The following CREBBP variants were observed in gnomAD, a reference collection of about 807,000 sequenced individuals.
The protein encoded by CREBBP is CREB-binding protein.
CREBBP carries 19 observed loss-of-function variants against 265.0 expected under a neutral mutation model. The observed-to-expected ratio is 0.07, with a 90% CI of 0.05 to 0.11. CREBBP has a LOEUF of 0.11. CREBBP is among the 10% of genes least tolerant of loss of function. The pLI, the probability that CREBBP is intolerant of heterozygous loss-of-function variation, is 1.00. For missense variants in CREBBP, 2,525 were observed against 3,219.0 expected (o/e 0.78, Z 5.22); for synonymous variants, 1,457 against 1,223.7 (o/e 1.19, Z -3.98).
chr16:3,817,692 T>C (rs542261529), intron 2 of CREBBP, among the ~76,000 whole-genome samples: 2 of 152,328 alleles, frequency 1.3e-5, no homozygotes, highest in East Asian at 1.9e-4. Context: ...AACAGGTTTC[T>C]ACAATAGTAG....
At position 3,880,599 on chromosome 16, in the gene CREBBP, G is replaced by T. The variant is rs1235254855; in HGVS notation, c.-683C>A. 2.7e-5 allele frequency: 4 copies of T among 147,204 alleles called. No homozygotes were observed. The highest frequency in any genetic ancestry group is 2.0e-4 in the South Asian group (1 of 5,008). The allele number at this position is 147,204 out of a possible 1,614,324, so 9.1% of individuals were successfully genotyped here. On this transcript the variant is annotated 5_prime_UTR_variant, in exon 1 of 31. Transcript: ENST00000262367. Reference sequence around the variant, plus strand: ...GAGGGCCGGGCGGAGCGGGCCGGCCGGGCGGAGCGGGGTGCGCGGGCGGTT... The same window carrying T: ...GAGGGCCGGGCGGAGCGGGCCGGCCTGGCGGAGCGGGGTGCGCGGGCGGTT...
At chr16:3,869,084 T>G (rs999218723) in intron 1 of CREBBP, among the ~76,000 whole-genome samples, 4 of 152,196 alleles carry the variant, frequency 2.6e-5, no homozygotes, top group Non-Finnish European at 1.5e-5. Context: ...TGCTGTTCCC[T>G]CTGCCTGGAA....
chr16:3,771,964 C>T (rs2053021569), intron 13 of CREBBP, among the ~76,000 whole-genome samples: 2 of 151,836 alleles, frequency 1.3e-5, no homozygotes, highest in South Asian at 4.2e-4. Context: ...GCGTGCAATA[C>T]CATGCCTAGC....
At chr16:3,754,887 CATAA>C (rs2052553855) in intron 19 of CREBBP, among the ~76,000 whole-genome samples, 2 of 152,126 alleles carry the variant, frequency 1.3e-5, no homozygotes, top group African/African-American at 4.8e-5. Context: ...CTGCAGTGTT[CATAA>C]ATAGTCAAAG....
In CREBBP at chr16:3,727,168, C is replaced by T. The variant is rs1414872731; in HGVS notation, c.*550G>A. 1.2e-5 allele frequency: 3 copies of T among 242,182 alleles called. No homozygotes were observed. Among genetic ancestry groups the T allele is most frequent in the Admixed American group, 5.3e-5 (1 of 19,036 alleles). The allele number at this position is 242,182 out of a possible 1,614,324, so 15.0% of individuals were successfully genotyped here. A position where few individuals can be genotyped will look rare whatever the true frequency, so the allele number is the denominator to read the frequency against. ...TGTGGGTGTGTACGTGTGTGCACGC[C>T]GGAGTCAATTCCTATCATCCAGGGT... is the stretch of plus-strand genomic sequence containing the variant. On this transcript the variant is annotated 3_prime_UTR_variant, in exon 31 of 31. Transcript: ENST00000262367.
At chr16:3,781,801 G>C (rs1455618004) in intron 6 of CREBBP, among the ~76,000 whole-genome samples, 1 of 152,158 alleles carries the variant, frequency 6.6e-6, no homozygotes, top group African/African-American at 2.4e-5. Flanking sequence ...AAAAGGTTAA[G>C]CTAGTCCCAA....
chr16:3,798,727 G>T (rs1186555567), intron 3 of CREBBP, among the ~76,000 whole-genome samples: 1 of 152,178 alleles, frequency 6.6e-6, no homozygotes, highest in East Asian at 1.9e-4. Context: ...CTCATACATT[G>T]GTGTGGGAAT....
intron 3 of CREBBP, among the ~76,000 whole-genome samples, chr16:3,801,533 G>C (rs1254489403): frequency 3.3e-5 from 5 of 152,082 alleles, no homozygotes; most frequent in African/African-American, 1.2e-4. Context: ...AGCTGGGTGT[G>C]GTGGCGCACA....
intron 5 of CREBBP, among the ~76,000 whole-genome samples, chr16:3,785,460 C>A (rs1376919552): frequency 6.6e-6 from 1 of 152,232 alleles, no homozygotes; most frequent in East Asian, 1.9e-4. Flanking sequence ...GAAAATCAGG[C>A]TCATGTCACG....
intron 2 of CREBBP, among the ~76,000 whole-genome samples, chr16:3,829,934 A>G (rs1291946519): frequency 6.6e-6 from 1 of 152,190 alleles, no homozygotes; most frequent in East Asian, 1.9e-4. Context: ...AAAGGAACAA[A>G]ACACAGAAGC....
intron 2 of CREBBP, among the ~76,000 whole-genome samples, chr16:3,813,983 G>A (rs972394620): frequency 6.6e-6 from 1 of 152,174 alleles, no homozygotes; most frequent in Non-Finnish European, 1.5e-5. Context: ...GTACCAAGAG[G>A]CCAGTGTGCT....
In CREBBP at chr16:3,849,426, TGTGTGTGTGTGTGTGTGTGTGTG is replaced by T. The variant is rs1567360091; in HGVS notation, c.798+848_798+870del. ...GTGTGTGTGTGTGTGTGTGTGTGTGTGTGTGTGTGTGTGTGTGTGTGTGTGTGTGTGTGTGTGTGTGTGTGTGT... is the reference window on the plus strand; with the variant it reads ...GTGTGTGTGTGTGTGTGTGTGTGTGTTGTGTGTGTGTGTGTGTGTGTGTGT... On this transcript the variant is annotated intron_variant, in intron 2 of 30. Coordinates refer to ENST00000262367, the MANE Select transcript of CREBBP (RefSeq NM_004380.3). Among the ~76,000 whole-genome samples the T allele has an allele frequency of 1.3e-3, 10 of 7,768 alleles. No individual in the cohort carries two copies. In the Non-Finnish European group the frequency reaches 0.015, roughly 11 times the overall value. 5.1% of individuals were successfully genotyped at this position (7,768 alleles called of 152,430 possible).
chr16:3,781,420 A>G (rs972446953), intron 6 of CREBBP, 114 bp from the exon 7 acceptor site: 4 of 859,650 alleles, frequency 4.7e-6, no homozygotes, highest in Non-Finnish European at 7.5e-6. Context: ...TATTTAAATA[A>G]GTGATTCTGG....
intron 26 of CREBBP, among the ~76,000 whole-genome samples, chr16:3,737,769 TTTTC>T (rs1287455594): frequency 6.6e-5 from 10 of 151,430 alleles, no homozygotes; most frequent in African/African-American, 2.2e-4. Context: ...TTTTTTGTAT[TTTTC>T]TTTTTTTCTT....
At chr16:3,739,123 A>C (rs2052141063) in intron 25 of CREBBP, among the ~76,000 whole-genome samples, 3 of 152,230 alleles carry the variant, frequency 2.0e-5, no homozygotes, top group Admixed American at 2.0e-4. Flanking sequence ...CCCTGCTGCC[A>C]ATCAGTTAAA....
intron 3 of CREBBP, 34 bp from the exon 4 acceptor site, chr16:3,793,660 C>T: frequency 6.2e-7 from 1 of 1,605,506 alleles, no homozygotes; most frequent in Non-Finnish European, 8.5e-7. Context: ...AATACTTTAA[C>T]CTCTCAGAGT....
At chr16:3,791,929 G>A in intron 5 of CREBBP, 52 bp downstream of exon 5, 1 of 1,474,908 alleles carries the variant, frequency 6.8e-7, no homozygotes, top group Non-Finnish European at 9.5e-7. Flanking sequence ...ATTTTCTTTA[G>A]AAACAACTTC....
intron 19 of CREBBP, among the ~76,000 whole-genome samples, chr16:3,755,980 A>T (rs1015766539): frequency 1.6e-4 from 24 of 152,218 alleles, no homozygotes; most frequent in African/African-American, 3.1e-4. Flanking sequence ...GATTTTTTTT[A>T]AAAATAGGAT....
chr16:3,760,117 G>A (rs576384436), intron 16 of CREBBP, among the ~76,000 whole-genome samples: 2 of 152,228 alleles, frequency 1.3e-5, no homozygotes, highest in South Asian at 2.1e-4. Flanking sequence ...TTTGAGACAA[G>A]GTCGCACTCT....
Sources: allele counts gnomAD v4.1 joint callset (sites outside exome capture counted in the v4.1 genomes callset), GRCh38; gene constraint gnomAD v4.1.1; transcripts MANE v1.5; gene names NCBI Gene and HGNC (gene_info 2026-07-23, HGNC 2026-07-21).